Variants in STXBP5L observed in about 807,000 individuals in gnomAD.
STXBP5L encodes the protein syntaxin binding protein 5L, also known as syntaxin-binding protein 5-like.
Under a neutral mutation model 144.5 loss-of-function variants are expected in STXBP5L, and 65 were observed. That is an observed-to-expected ratio of 0.45 (90% confidence interval 0.37 to 0.55). STXBP5L has a LOEUF of 0.55. STXBP5L is among the 20% of genes least tolerant of loss of function. The pLI is 0.00. For synonymous variants in STXBP5L, 505 were observed against 469.6 expected, an observed-to-expected ratio of 1.08 and a Z score of -0.97; for missense variants, 1,298 against 1,405.5, an observed-to-expected ratio of 0.92 and a Z score of 1.22.
At chr3:121,355,059 GT>G in intron 20 of STXBP5L, among the ~76,000 whole-genome samples, 1 of 152,254 alleles carries the variant, frequency 6.6e-6, no homozygotes, top group Middle Eastern at 3.2e-3. Flanking sequence ...GAGATCCGCT[GT>G]TAGTCTGATG....
At chr3:121,103,415 T>C (rs75259175) in intron 5 of STXBP5L, among the ~76,000 whole-genome samples, 2,513 of 152,226 alleles carry the variant, frequency 0.017, 65 homozygotes, top group African/African-American at 0.057. Context: ...GAGGCCATTA[T>C]CTTAAGAAAA....
intron 10 of STXBP5L, among the ~76,000 whole-genome samples, chr3:121,208,842 C>T (rs142273117): frequency 0.12 from 18,335 of 151,892 alleles, 1,168 homozygotes; most frequent in Non-Finnish European, 0.14. Flanking sequence ...TAGTTATACA[C>T]GTGCCATGGT....
intron 3 of STXBP5L, among the ~76,000 whole-genome samples, chr3:120,965,057 G>T (rs1007796750): frequency 6.6e-6 from 1 of 151,956 alleles, no homozygotes; most frequent in Non-Finnish European, 1.5e-5. Flanking sequence ...ATCTTTGTTG[G>T]TTTAAAGTCT....
At chr3:121,269,245 A>G (rs2050667325) in intron 18 of STXBP5L, among the ~76,000 whole-genome samples, 1 of 152,158 alleles carries the variant, frequency 6.6e-6, no homozygotes, top group African/African-American at 2.4e-5. Flanking sequence ...ATTTTCAAGG[A>G]TTAATGTGGT....
chr3:121,358,037 G>T (rs2045585700), intron 20 of STXBP5L: 1 of 152,110 alleles, frequency 6.6e-6, no homozygotes, highest in Non-Finnish European at 1.5e-5. Context: ...GAGATGTTTT[G>T]ATTACATGCA....
At chr3:121,024,751 T>C (rs1945805436) in intron 3 of STXBP5L, among the ~76,000 whole-genome samples, 1 of 152,198 alleles carries the variant, frequency 6.6e-6, no homozygotes, top group Non-Finnish European at 1.5e-5. Flanking sequence ...TATTCCATGA[T>C]ATATATCCCA....
intron 10 of STXBP5L, among the ~76,000 whole-genome samples, chr3:121,208,706 G>T (rs186702081): frequency 1.3e-5 from 2 of 152,130 alleles, no homozygotes. Context: ...TTATTAAGGT[G>T]CAGGACACTA....
chr3:121,183,561 CAAAG>C (rs1367354906), intron 9 of STXBP5L, among the ~76,000 whole-genome samples: 2 of 144,954 alleles, frequency 1.4e-5, no homozygotes, highest in Non-Finnish European at 3.1e-5. Flanking sequence ...GCAAGCAAGA[CAAAG>C]AGAGAAAGAA....
At chr3:121,057,178 C>T (rs1476036972) in intron 5 of STXBP5L, among the ~76,000 whole-genome samples, 2 of 151,492 alleles carry the variant, frequency 1.3e-5, no homozygotes, top group South Asian at 2.1e-4. Flanking sequence ...CAAAAGAAGC[C>T]GAAAGAAAAC....
intron 19 of STXBP5L, among the ~76,000 whole-genome samples, chr3:121,288,987 C>T (rs1002726498): frequency 3.3e-5 from 5 of 151,820 alleles, no homozygotes; most frequent in Middle Eastern, 3.4e-3. Context: ...AGTGTGAGAG[C>T]GGGGAGAGGA....
intron 2 of STXBP5L, among the ~76,000 whole-genome samples, chr3:120,950,838 C>A (rs1201252172): frequency 3.9e-5 from 6 of 151,964 alleles, no homozygotes; most frequent in African/African-American, 7.2e-5. Flanking sequence ...AAAGAGCCAG[C>A]ATCGCCAAGT....
chr3:121,215,718 C>T (rs1039646306), intron 10 of STXBP5L, among the ~76,000 whole-genome samples: 1 of 152,052 alleles, frequency 6.6e-6, no homozygotes, highest in Non-Finnish European at 1.5e-5. Flanking sequence ...TTATGATATT[C>T]TCTTTATTTT....
chr3:121,043,929 A>G (rs1947332475), intron 4 of STXBP5L, among the ~76,000 whole-genome samples: 1 of 152,198 alleles, frequency 6.6e-6, no homozygotes, highest in Non-Finnish European at 1.5e-5. Flanking sequence ...CACCTCTCTG[A>G]GAAATGAGAC....
At chr3:121,110,171 C>G (rs1472304408) in intron 5 of STXBP5L, among the ~76,000 whole-genome samples, 2 of 152,154 alleles carry the variant, frequency 1.3e-5, no homozygotes, top group African/African-American at 2.4e-5. Context: ...GCTTGCCATT[C>G]TGTGTCTTTT....
intron 5 of STXBP5L, among the ~76,000 whole-genome samples, chr3:121,064,877 G>A (rs571892137): frequency 6.6e-6 from 1 of 152,090 alleles, no homozygotes; most frequent in Admixed American, 6.6e-5. Context: ...TAGTTTTTCC[G>A]TCTAGTATGT....
At chr3:121,133,091 T>C (rs1366145545) in intron 7 of STXBP5L, among the ~76,000 whole-genome samples, 1 of 152,262 alleles carries the variant, frequency 6.6e-6, no homozygotes, top group South Asian at 2.1e-4. Flanking sequence ...TGATGAGAGC[T>C]AGGTATGGTG....
intron 3 of STXBP5L, among the ~76,000 whole-genome samples, chr3:121,006,705 T>A (rs892354959): frequency 6.6e-6 from 1 of 152,186 alleles, no homozygotes; most frequent in Non-Finnish European, 1.5e-5. Context: ...TTCCTTTCTA[T>A]GTTTAGTGCC....
intron 19 of STXBP5L, among the ~76,000 whole-genome samples, chr3:121,309,924 GA>G (rs1468771524): frequency 8.5e-5 from 13 of 152,158 alleles, no homozygotes; most frequent in Admixed American, 2.6e-4. Context: ...CTGATTTCAA[GA>G]TGTGCCTTAA....
At chr3:121,001,271 G>A (rs955223361) in intron 3 of STXBP5L, among the ~76,000 whole-genome samples, 5 of 152,202 alleles carry the variant, frequency 3.3e-5, no homozygotes, top group African/African-American at 9.6e-5. Context: ...AAGAGCTATA[G>A]CAGTAGCTAC....
Sources: gnomAD v4.1 joint callset for allele counts (sites outside exome capture counted in the v4.1 genomes callset) on GRCh38, gnomAD v4.1.1 for gene constraint, MANE v1.5 for transcripts, NCBI Gene and HGNC (gene_info 2026-07-23, HGNC 2026-07-21) for gene names.